Variants in DGAT1 observed in about 807,000 individuals in gnomAD.
DGAT1 encodes diacylglycerol O-acyltransferase 1.
Under a neutral mutation model 72.6 loss-of-function variants are expected in DGAT1, and 60 were observed. The ratio of observed to expected loss-of-function variants is 0.83; its 90% CI spans 0.67 to 1.02. The LOEUF (loss-of-function observed/expected upper bound fraction) is 1.02, where lower values mean the gene tolerates loss of function less well. Among genes scored for constraint, DGAT1 ranks in the 50% least tolerant of loss-of-function variants. The pLI, the probability that DGAT1 is intolerant of heterozygous loss-of-function variation, is 0.00. For missense variants in DGAT1, 592 were observed against 670.0 expected (o/e 0.88, Z 1.29); for synonymous variants, 290 against 267.5 (o/e 1.08, Z -0.82).
intron 2 of DGAT1, among the ~76,000 whole-genome samples, chr8:144,320,601 C>T (rs782504394): frequency 7.9e-5 from 12 of 152,160 alleles, no homozygotes; most frequent in Non-Finnish European, 1.6e-4. Context: ...TAGCCCTTGT[C>T]CCCGACCTGC....
Position 144,315,870 on chromosome 8 carries a change from A to C in DGAT1, c.*684T>G. ...CATGGACATAGCCATTGTGTACCGT[A>C]GCCCCTCGGCTCACCAGACCCACAC... is the stretch of plus-strand genomic sequence containing the variant. On this transcript the variant is annotated 3_prime_UTR_variant, in exon 17 of 17. Transcript: ENST00000528718. The C allele has an allele frequency of 1.0e-5, 10 of 985,640 alleles. No homozygotes were observed. Among genetic ancestry groups the C allele is most frequent in the Non-Finnish European group, 1.2e-5 (10 of 830,086 alleles). 61.1% of individuals were successfully genotyped at this position (985,640 alleles called of 1,614,324 possible). A position where few individuals can be genotyped will look rare whatever the true frequency, so the allele number is the denominator to read the frequency against.
Position 144,326,315 on chromosome 8 carries a change from G to A in DGAT1, c.200+122C>T, listed in dbSNP as rs535990634. 318 of 952,332 alleles carry A rather than the reference G, an allele frequency of 3.3e-4. 1 individual carries two copies. The African/African-American group carries it at 4.9e-3, about 15-fold the overall frequency. 59.0% of individuals were successfully genotyped at this position (952,332 alleles called of 1,614,324 possible). A position where few individuals can be genotyped will look rare whatever the true frequency, so the allele number is the denominator to read the frequency against. ...CTCAGTTTCCCCACAGGGCCCATAG[G>A]GCACACCGATCCCCGCTTAGCCCAG... On this transcript the variant is annotated intron_variant, in intron 1 of 16. Coordinates refer to ENST00000528718, the MANE Select transcript of DGAT1 (RefSeq NM_012079.6).
chr8:144,316,622 T>C lies in DGAT1; in HGVS notation c.1399A>G (p.Ile467Val). The part of the protein sequence containing the change: ...VWLSLIIGQP[I>V]AVLMYVHDYY... ...TCGTGGACGTACATGAGGACGGCTA[T>C]TGGCTGTCCGATGATGAGCGACAGC... Residue 467 changes from isoleucine (I) to valine (V), a missense_variant, in exon 17 of 17, where the codon ATA becomes GTA. By Grantham distance (29) the Ile-to-Val change is conservative. Coordinates refer to ENST00000528718, the MANE Select transcript of DGAT1 (RefSeq NM_012079.6). 1 of 1,608,680 alleles carries C rather than the reference T, an allele frequency of 6.2e-7. No homozygotes were observed. Among genetic ancestry groups the C allele is most frequent in the Non-Finnish European group, 8.5e-7 (1 of 1,178,384 alleles).
chr8:144,316,389 T>C lies in DGAT1; in HGVS notation c.*165A>G. 1 of 880,880 alleles carries C rather than the reference T, an allele frequency of 1.1e-6. No individual in the cohort carries two copies. Among genetic ancestry groups the C allele is most frequent in the Non-Finnish European group, 1.7e-6 (1 of 596,444 alleles). The allele number at this position is 880,880 out of a possible 1,614,324, so 54.6% of individuals were successfully genotyped here. On this transcript the variant is annotated 3_prime_UTR_variant, in exon 17 of 17. Coordinates refer to ENST00000528718, the MANE Select transcript of DGAT1 (RefSeq NM_012079.6). ...GTGTCTGGCCTGCTGTCGCCATCCC[T>C]GAGGGGTGCAGGACAGAGCCCCATA...
chr8:144,326,505 C>A lies in DGAT1; in HGVS notation c.132G>T (p.Gly44=). The A allele has an allele frequency of 7.8e-7, 1 of 1,277,484 alleles. No homozygotes were observed. Among genetic ancestry groups the A allele is most frequent in the Non-Finnish European group, 9.9e-7 (1 of 1,009,060 alleles). 79.1% of individuals were successfully genotyped at this position (1,277,484 alleles called of 1,614,324 possible). A position where few individuals can be genotyped will look rare whatever the true frequency, so the allele number is the denominator to read the frequency against. The change falls in exon 1 of 17, where the codon GGG becomes GGT. Residue 44 remains glycine, a synonymous_variant. Coordinates refer to ENST00000528718, the MANE Select transcript of DGAT1 (RefSeq NM_012079.6). ...TGTTGGGGGCCGGGGCTGGCGCGTC[C>A]CCCGCGGCTCCCACGTCGGGGCCCG... ...AAAGPDVGAA[G]DAPAPAPNKD...
rs958295158 is a variant in DGAT1, at chr8:144,317,491, C to T, written c.982-46G>A. On this transcript the variant is annotated intron_variant, in intron 12 of 16. Coordinates refer to ENST00000528718, the MANE Select transcript of DGAT1 (RefSeq NM_012079.6). ...GGCACCAAGTTCTAGAACCTTCCCC[C>T]ACATGCCACTGTCCCCTCCTGTCCT... 5.0e-6 allele frequency: 8 copies of T among 1,613,618 alleles called. No individual in the cohort carries two copies. The African/African-American group carries it at 8.0e-5, about 16-fold the overall frequency.
intron 1 of DGAT1, among the ~76,000 whole-genome samples, chr8:144,324,406 A>G (rs1362497165): frequency 3.9e-5 from 6 of 152,198 alleles, no homozygotes; most frequent in Non-Finnish European, 7.4e-5. Flanking sequence ...CGCAGACAGC[A>G]GGGAGAAGAG....
At chr8:144,326,288 G>A in intron 1 of DGAT1, 149 bp downstream of exon 1, 1 of 750,260 alleles carries the variant, frequency 1.3e-6, no homozygotes, top group South Asian at 5.1e-5. Context: ...CTCTCCCCAA[G>A]CCTCAGTTTC....
At chr8:144,321,487 C>T (rs1554848144) in intron 1 of DGAT1, 79 bp from the exon 2 acceptor site, 1 of 1,320,164 alleles carries the variant, frequency 7.6e-7, no homozygotes, top group East Asian at 2.3e-5. Context: ...AGGCCCCCAC[C>T]CCAGTGTCCT....
chr8:144,318,382 A>G lies in DGAT1; in HGVS notation c.575-20T>C, dbSNP rs1554847598. 1.2e-6 allele frequency: 2 copies of G among 1,607,770 alleles called. No individual in the cohort carries two copies. Among genetic ancestry groups the G allele is most frequent in the Non-Finnish European group, 1.7e-6 (2 of 1,176,628 alleles). On this transcript the variant is annotated intron_variant, in intron 6 of 16. Coordinates refer to ENST00000528718, the MANE Select transcript of DGAT1 (RefSeq NM_012079.6). ...AGCCCACTGCAGGAGAGGTGGACTC[A>G]GGCCTCCACAGCGCCACAGCCGGAG...
At position 144,326,396 on chromosome 8, in the gene DGAT1, G is replaced by A. The variant is rs563630957; in HGVS notation, c.200+41C>T. On this transcript the variant is annotated intron_variant, in intron 1 of 16. Transcript: ENST00000528718. ...TTCGGCCAACCCCGGAAAGTCGCGG[G>A]GCCCTTGGGTCAGAGGTTAGGGGGT... is the stretch of plus-strand genomic sequence containing the variant. 24 of 1,374,588 alleles carry A rather than the reference G, an allele frequency of 1.7e-5. No individual in the cohort carries two copies. The South Asian group carries it at 3.4e-4, about 20-fold the overall frequency. The allele number at this position is 1,374,588 out of a possible 1,614,324, so 85.1% of individuals were successfully genotyped here. A position where few individuals can be genotyped will look rare whatever the true frequency, so the allele number is the denominator to read the frequency against.
rs781871790 is a variant in DGAT1 at position 144,318,171 on chromosome 8, T to TACG, written c.677-5_677-3dup. On this transcript the variant is annotated splice_region_variant and splice_polypyrimidine_tract_variant and intron_variant, in intron 7 of 16. Transcript: ENST00000528718. ...TGCTGGCCTTCTTCCCTGCAGAGGC[T>TACG]ACGAGCACAGCAGAGTGGGAGGGGG... 28 of 1,603,846 alleles carry TACG rather than the reference T, an allele frequency of 1.7e-5. No individual in the cohort carries two copies. The African/African-American group carries it at 3.6e-4, about 21-fold the overall frequency.
intron 1 of DGAT1, among the ~76,000 whole-genome samples, chr8:144,325,063 C>CA (rs1488256858): frequency 2.7e-5 from 4 of 148,932 alleles, no homozygotes; most frequent in South Asian, 2.1e-4. Flanking sequence ...AAACTAGTCT[C>CA]AAAAAAAAAG....
Position 144,315,634 on chromosome 8 carries a change from G to A in DGAT1, c.*920C>T, listed in dbSNP as rs782621103. 86 of 984,408 alleles carry A rather than the reference G, an allele frequency of 8.7e-5. No individual in the cohort carries two copies. Among genetic ancestry groups the A allele is most frequent in the Middle Eastern group, 1.0e-3 (2 of 1,940 alleles). The allele number at this position is 984,408 out of a possible 1,614,324, so 61.0% of individuals were successfully genotyped here. ...TCTATCCAGCTTGGTGGATTGCAGG[G>A]CCTGGGAACAAGGTGTCCTGAAGGC... On this transcript the variant is annotated 3_prime_UTR_variant, in exon 17 of 17. Coordinates refer to ENST00000528718, the MANE Select transcript of DGAT1 (RefSeq NM_012079.6).
At chr8:144,319,862 G>A (rs567168162) in intron 2 of DGAT1, among the ~76,000 whole-genome samples, 7 of 152,216 alleles carry the variant, frequency 4.6e-5, no homozygotes, top group African/African-American at 1.4e-4. Flanking sequence ...CTGACCACCC[G>A]GAGCTCGGGC....
chr8:144,324,172 A>ACGGGGC (rs1380145230), intron 1 of DGAT1, among the ~76,000 whole-genome samples: 2 of 152,176 alleles, frequency 1.3e-5, no homozygotes, highest in African/African-American at 2.4e-5. Flanking sequence ...TCACCTTGCC[A>ACGGGGC]CGGGGCCGGA....
Position 144,316,002 on chromosome 8 carries a change from G to GC in DGAT1, c.*551dup, listed in dbSNP as rs1817199673. 1 of 935,674 alleles carries GC rather than the reference G, an allele frequency of 1.1e-6. No individual in the cohort carries two copies. The highest frequency in any genetic ancestry group is 4.9e-5 in the South Asian group (1 of 20,282). 58.0% of individuals were successfully genotyped at this position (935,674 alleles called of 1,614,324 possible). A position where few individuals can be genotyped will look rare whatever the true frequency, so the allele number is the denominator to read the frequency against. The stretch of plus-strand genomic sequence containing the variant: ...CAAGCTGAAGCTGAGCACGGTGGGT[G>GC]CAAGTTGACCATCCTGCACTGAGGG... On this transcript the variant is annotated 3_prime_UTR_variant, in exon 17 of 17. Coordinates refer to ENST00000528718, the MANE Select transcript of DGAT1 (RefSeq NM_012079.6).
rs971061271 is a variant in DGAT1, at chr8:144,318,316, C to T, written c.621G>A (p.Lys207=). 1.9e-6 allele frequency: 3 copies of T among 1,612,688 alleles called. No homozygotes were observed. The highest frequency in any genetic ancestry group is 2.7e-5 in the African/African-American group (2 of 75,048). Residue 207 remains lysine, a synonymous_variant, in exon 7 of 17, where the codon AAG becomes AAA. Coordinates refer to ENST00000528718, the MANE Select transcript of DGAT1 (RefSeq NM_012079.6). ...AGTTGACGTCGCGGTAGGAGAAGAG[C>T]TTGAGGAAGAGGATGGTGTGCGCCA... The part of the protein sequence containing the change: ...ALMAHTILFL[K]LFSYRDVNSW...
At chr8:144,320,181 A>T (rs568702052) in intron 2 of DGAT1, among the ~76,000 whole-genome samples, 3 of 152,214 alleles carry the variant, frequency 2.0e-5, no homozygotes, top group Admixed American at 2.0e-4. Flanking sequence ...AGCGGGATAC[A>T]TGCCTGGGGT....
Sources: allele counts gnomAD v4.1 joint callset (sites outside exome capture counted in the v4.1 genomes callset), GRCh38; gene constraint gnomAD v4.1.1; transcripts MANE v1.5; gene names NCBI Gene and HGNC (gene_info 2026-07-23, HGNC 2026-07-21).